The following ERLIN1 variants were observed in gnomAD, a reference collection of about 807,000 sequenced individuals.
The protein encoded by ERLIN1 is erlin-1.
In ERLIN1, 24 loss-of-function variants were observed where a neutral mutation model predicts 46.9. That is an observed-to-expected ratio of 0.51 (90% CI 0.37 to 0.72). The LOEUF is 0.72. Among genes scored for constraint, ERLIN1 ranks in the 30% least tolerant of loss-of-function variants. ERLIN1 has a pLI of 0.00. For missense variants in ERLIN1, 293 were observed against 417.9 expected (o/e 0.70, Z 2.61); for synonymous variants, 158 against 143.2 (o/e 1.10, Z -0.74).
chr10:100,152,196 G>C lies in ERLIN1; in HGVS notation c.982C>G (p.Pro328Ala), dbSNP rs1212358747. Residue 328 changes from proline to alanine, a missense_variant, in exon 11 of 11, where the codon CCC becomes GCC. Coordinates refer to ENST00000421367, the MANE Select transcript of ERLIN1 (RefSeq NM_006459.4). ...GAGGGTTCAAGAGCCTCCTTAGAGG[G>C]GAGTGAGCTTTCTCTTCCAGTCCTA... ...DIRTGRESSL[P>A]SKEALEPSGE... 1.2e-6 allele frequency: 2 copies of C among 1,613,394 alleles called. No homozygotes were observed. Among genetic ancestry groups the C allele is most frequent in the Non-Finnish European group, 8.5e-7 (1 of 1,179,446 alleles).
At chr10:100,161,286 A>T (rs937577336) in intron 8 of ERLIN1, among the ~76,000 whole-genome samples, 13 of 152,202 alleles carry the variant, frequency 8.5e-5, no homozygotes, top group Non-Finnish European at 1.9e-4. Context: ...ATTGCTAAAT[A>T]AAAAAATCAA....
At chr10:100,182,185 C>A (rs1232114829) in intron 2 of ERLIN1, among the ~76,000 whole-genome samples, 5 of 150,528 alleles carry the variant, frequency 3.3e-5, no homozygotes, top group Non-Finnish European at 7.4e-5. Context: ...TTTGTTAGAG[C>A]CTTGATTTTT....
intron 6 of ERLIN1, among the ~76,000 whole-genome samples, chr10:100,171,361 C>T (rs942374471): frequency 6.6e-6 from 1 of 152,012 alleles, no homozygotes; most frequent in South Asian, 2.1e-4. Flanking sequence ...CGAATTCTAC[C>T]CCTCTCAAAG....
At chr10:100,154,977 C>T in intron 9 of ERLIN1, 38 bp from the exon 10 acceptor site, 1 of 1,527,788 alleles carries the variant, frequency 6.5e-7, no homozygotes, top group Middle Eastern at 1.7e-4. Context: ...AATCCATTCC[C>T]TCAGCTAGTT....
chr10:100,176,614 A>G (rs1020602650), intron 4 of ERLIN1, among the ~76,000 whole-genome samples: 1 of 152,262 alleles, frequency 6.6e-6, no homozygotes, highest in Non-Finnish European at 1.5e-5. Flanking sequence ...GCTGGGCTTT[A>G]TATCAGGTAA....
chr10:100,174,343 T>C, intron 5 of ERLIN1, 62 bp from the exon 6 acceptor site: 1 of 1,197,316 alleles, frequency 8.4e-7, no homozygotes, highest in Non-Finnish European at 1.2e-6. Flanking sequence ...ATTGTATTCA[T>C]AATGAAACAA....
In ERLIN1 at chr10:100,151,879, T is replaced by G; in HGVS notation, c.*252A>C. On this transcript the variant is annotated 3_prime_UTR_variant, in exon 11 of 11. Coordinates refer to ENST00000421367, the MANE Select transcript of ERLIN1 (RefSeq NM_006459.4). ...GCAGGCAGTATCTTAGCATCAGACT[T>G]TCCTCATTCATGAGTAGCAGTTTAG... The G allele has an allele frequency of 1.9e-6, 1 of 520,528 alleles. No individual in the cohort carries two copies. The highest frequency in any genetic ancestry group is 3.5e-6 in the Non-Finnish European group (1 of 285,548). 32.2% of individuals were successfully genotyped at this position (520,528 alleles called of 1,614,324 possible). A position where few individuals can be genotyped will look rare whatever the true frequency, so the allele number is the denominator to read the frequency against.
intron 7 of ERLIN1, among the ~76,000 whole-genome samples, chr10:100,165,243 T>C (rs910415916): frequency 1.2e-4 from 19 of 152,180 alleles, no homozygotes; most frequent in Admixed American, 1.2e-3. Context: ...GTAACTCCAA[T>C]AGTTTCCCCA....
intron 1 of ERLIN1, 92 bp downstream of exon 1, chr10:100,185,422 G>T: frequency 2.0e-6 from 2 of 993,976 alleles, no homozygotes; most frequent in South Asian, 1.4e-5. Flanking sequence ...ATGCGCCCCC[G>T]AACGTTGCAG....
At chr10:100,153,658 A>T (rs1182781529) in intron 10 of ERLIN1, among the ~76,000 whole-genome samples, 5 of 152,186 alleles carry the variant, frequency 3.3e-5, no homozygotes, top group African/African-American at 7.2e-5. Context: ...GTGCACAACC[A>T]CATTTCTTCC....
intron 2 of ERLIN1, among the ~76,000 whole-genome samples, chr10:100,179,992 G>A (rs1432931703): frequency 6.6e-6 from 1 of 152,180 alleles, no homozygotes; most frequent in Admixed American, 6.5e-5. Flanking sequence ...AGTACTCTAA[G>A]ACTCAAAGCT....
In ERLIN1 at chr10:100,150,711, C is replaced by T. The variant is rs1842758746; in HGVS notation, c.*1420G>A. ...AGCTGAAAGATTTCTAGAAGTGGTC[C>T]CATGACTTTTTTGTTGAGCTTCAAC... is the stretch of plus-strand genomic sequence containing the variant. On this transcript the variant is annotated 3_prime_UTR_variant, in exon 11 of 11. Transcript: ENST00000421367. 1 of 152,554 alleles carries T rather than the reference C, an allele frequency of 6.6e-6. No homozygotes were observed. The highest frequency in any genetic ancestry group is 1.5e-5 in the Non-Finnish European group (1 of 68,034). 9.5% of individuals were successfully genotyped at this position (152,554 alleles called of 1,614,324 possible). A position where few individuals can be genotyped will look rare whatever the true frequency, so the allele number is the denominator to read the frequency against.
chr10:100,178,301 A>C, intron 3 of ERLIN1, 107 bp from the exon 4 acceptor site: 1 of 688,028 alleles, frequency 1.5e-6, no homozygotes, highest in Admixed American at 2.6e-5. Flanking sequence ...TATTCACTTA[A>C]AACACAGAAA....
At chr10:100,184,402 C>T (rs1216771560) in intron 1 of ERLIN1, among the ~76,000 whole-genome samples, 1 of 152,110 alleles carries the variant, frequency 6.6e-6, no homozygotes, top group African/African-American at 2.4e-5. Context: ...AAATAAATAG[C>T]ATAAGGGCTT....
chr10:100,178,785 C>G (rs1844462631), intron 3 of ERLIN1, among the ~76,000 whole-genome samples: 1 of 152,150 alleles, frequency 6.6e-6, no homozygotes, highest in Non-Finnish European at 1.5e-5. Flanking sequence ...GATTTTACTG[C>G]CTTTATAAAG....
chr10:100,171,329 T>C (rs929894694), intron 6 of ERLIN1, among the ~76,000 whole-genome samples: 1 of 152,176 alleles, frequency 6.6e-6, no homozygotes, highest in Non-Finnish European at 1.5e-5. Flanking sequence ...AACTAACATA[T>C]GAAAAAGTTT....
intron 8 of ERLIN1, among the ~76,000 whole-genome samples, chr10:100,162,641 CAATA>C (rs1378869486): frequency 6.6e-6 from 1 of 151,832 alleles, no homozygotes; most frequent in Non-Finnish European, 1.5e-5. Flanking sequence ...TATGAGGAAC[CAATA>C]AATTGTAAAC....
At chr10:100,158,360 A>G (rs6584348) in intron 8 of ERLIN1, among the ~76,000 whole-genome samples, 20,619 of 152,204 alleles carry the variant, frequency 0.14, 3,179 homozygotes, top group African/African-American at 0.38. Context: ...TGGACTAACA[A>G]CATACTTGTA....
In ERLIN1 at chr10:100,152,015, G is replaced by C; in HGVS notation, c.*116C>G. 1.3e-6 allele frequency: 1 copy of C among 743,584 alleles called. No individual in the cohort carries two copies. Among genetic ancestry groups the C allele is most frequent in the East Asian group, 2.7e-5 (1 of 37,436 alleles). The allele number at this position is 743,584 out of a possible 1,614,324, so 46.1% of individuals were successfully genotyped here. The stretch of plus-strand genomic sequence containing the variant: ...TGGAGCACCCAGGACTATCGCAGGA[G>C]AGGTGGAACAGATGAAGTGTAAGTT... On this transcript the variant is annotated 3_prime_UTR_variant, in exon 11 of 11. Coordinates refer to ENST00000421367, the MANE Select transcript of ERLIN1 (RefSeq NM_006459.4).
Sources: allele counts gnomAD v4.1 joint callset (sites outside exome capture counted in the v4.1 genomes callset), GRCh38; gene constraint gnomAD v4.1.1; transcripts MANE v1.5; gene names NCBI Gene and HGNC (gene_info 2026-07-23, HGNC 2026-07-21).